The following MARCHF1 variants were observed in gnomAD, a reference collection of about 807,000 sequenced individuals.
MARCHF1 encodes membrane associated ring-CH-type finger 1.
A neutral mutation model predicts 54.2 loss-of-function variants in MARCHF1; 40 were observed. That is an observed-to-expected ratio of 0.74 (90% CI 0.57 to 0.96). MARCHF1 has a LOEUF of 0.96. Among genes scored for constraint, MARCHF1 ranks in the 40% least tolerant of loss-of-function variants. The probability of loss-of-function intolerance (pLI) is 0.00; values close to 1 mark genes in which losing one functional copy is unlikely to be tolerated. For synonymous variants in MARCHF1, 236 were observed against 236.3 expected (o/e 1.00, Z 0.01); for missense variants, 586 against 656.5 (o/e 0.89, Z 1.17).
chr4:164,149,281 T>G (rs11942093), intron 1 of MARCHF1, among the ~76,000 whole-genome samples: 1 of 152,158 alleles, frequency 6.6e-6, no homozygotes, highest in East Asian at 1.9e-4. Flanking sequence ...CATTCCTTTA[T>G]AGCAATGCAA....
intron 1 of MARCHF1, chr4:164,383,512 C>G (rs1157786880): frequency 1.3e-5 from 2 of 152,302 alleles, no homozygotes; most frequent in Non-Finnish European, 2.9e-5. Flanking sequence ...AGTACCACGC[C>G]GGTGTAAACA....
intron 1 of MARCHF1, among the ~76,000 whole-genome samples, chr4:164,303,200 T>C (rs1209876227): frequency 6.6e-6 from 1 of 152,136 alleles, no homozygotes; most frequent in Non-Finnish European, 1.5e-5. Context: ...CTCAGCTCGG[T>C]TTTGTTTTCC....
intron 2 of MARCHF1, among the ~76,000 whole-genome samples, chr4:164,076,568 G>T (rs145038836): frequency 2.0e-5 from 3 of 152,112 alleles, no homozygotes; most frequent in Non-Finnish European, 2.9e-5. Flanking sequence ...ATAAATAAAG[G>T]GCATTCAAAC....
intron 8 of MARCHF1, among the ~76,000 whole-genome samples, chr4:163,555,683 T>C (rs1739260983): frequency 1.3e-5 from 2 of 152,204 alleles, no homozygotes; most frequent in Non-Finnish European, 2.9e-5. Context: ...TTATGGATTG[T>C]GGCTTCATAA....
intron 1 of MARCHF1, among the ~76,000 whole-genome samples, chr4:164,278,066 C>T (rs538635205): frequency 1.3e-5 from 2 of 152,222 alleles, no homozygotes; most frequent in South Asian, 2.1e-4. Flanking sequence ...GTAATATCAG[C>T]ATGTTGGGAG....
intron 1 of MARCHF1, among the ~76,000 whole-genome samples, chr4:164,202,400 T>C (rs1211839178): frequency 6.6e-6 from 1 of 152,072 alleles, no homozygotes; most frequent in Non-Finnish European, 1.5e-5. Context: ...TGGCGTGAAA[T>C]ATGGTTGCAG....
chr4:163,740,340 T>A (rs968330793), intron 4 of MARCHF1, among the ~76,000 whole-genome samples: 1 of 152,214 alleles, frequency 6.6e-6, no homozygotes, highest in African/African-American at 2.4e-5. Flanking sequence ...ATAGTGAGAT[T>A]TTACCTTACT....
chr4:164,130,953 A>C (rs1307927114), intron 1 of MARCHF1, among the ~76,000 whole-genome samples: 1 of 152,186 alleles, frequency 6.6e-6, no homozygotes, highest in Non-Finnish European at 1.5e-5. Flanking sequence ...TACATTGATA[A>C]AAATGATTAT....
intron 3 of MARCHF1, among the ~76,000 whole-genome samples, chr4:163,968,831 T>C (rs1248155908): frequency 6.6e-6 from 1 of 152,022 alleles, no homozygotes; most frequent in Non-Finnish European, 1.5e-5. Flanking sequence ...TGCAACAAAA[T>C]AAAGAGTAGA....
At chr4:164,129,319 G>T (rs898396345) in intron 1 of MARCHF1, among the ~76,000 whole-genome samples, 2 of 151,990 alleles carry the variant, frequency 1.3e-5, no homozygotes, top group Non-Finnish European at 2.9e-5. Flanking sequence ...ACTTATTAAG[G>T]CAATTTTATA....
intron 1 of MARCHF1, among the ~76,000 whole-genome samples, chr4:164,140,642 A>T (rs1338890616): frequency 6.6e-6 from 1 of 152,114 alleles, no homozygotes; most frequent in Non-Finnish European, 1.5e-5. Context: ...CCTCGGCTAC[A>T]GCACCCAACT....
intron 3 of MARCHF1, among the ~76,000 whole-genome samples, chr4:163,934,734 T>C (rs1751758104): frequency 6.6e-6 from 1 of 151,978 alleles, no homozygotes; most frequent in South Asian, 2.1e-4. Flanking sequence ...TCCTGAAGTC[T>C]TGAACCATGC....
At chr4:163,923,306 T>C (rs573792374) in intron 3 of MARCHF1, among the ~76,000 whole-genome samples, 4 of 152,270 alleles carry the variant, frequency 2.6e-5, no homozygotes, top group African/African-American at 9.6e-5. Context: ...AATGAATCAT[T>C]AAAAATAATT....
At chr4:164,321,863 T>A (rs557351475) in intron 1 of MARCHF1, among the ~76,000 whole-genome samples, 11 of 152,232 alleles carry the variant, frequency 7.2e-5, no homozygotes, top group African/African-American at 2.6e-4. Flanking sequence ...TTAATTATAA[T>A]AATCATAGAA....
intron 1 of MARCHF1, among the ~76,000 whole-genome samples, chr4:164,178,895 A>G (rs1445776621): frequency 6.6e-6 from 1 of 152,190 alleles, no homozygotes; most frequent in Non-Finnish European, 1.5e-5. Context: ...TCTTTCTCCT[A>G]TGAGTTGACA....
At chr4:164,383,665 G>C (rs540857604) in intron 1 of MARCHF1, 465 of 152,742 alleles carry the variant, frequency 3.0e-3, no homozygotes, top group Non-Finnish European at 5.1e-3. Context: ...CCCGCCGCCC[G>C]CAGGTTGGGT....
chr4:164,382,030 A>G (rs567951895), intron 1 of MARCHF1, among the ~76,000 whole-genome samples: 184 of 152,336 alleles, frequency 1.2e-3, no homozygotes, highest in African/African-American at 4.1e-3. Flanking sequence ...AATCAGACAT[A>G]TAATTATGCA....
chr4:164,286,538 T>C (rs1734151351), intron 1 of MARCHF1, among the ~76,000 whole-genome samples: 1 of 151,656 alleles, frequency 6.6e-6, no homozygotes, highest in African/African-American at 2.4e-5. Context: ...AAACAGAAAA[T>C]TGACTCAGTT....
At chr4:163,616,523 T>C (rs979740974) in intron 5 of MARCHF1, among the ~76,000 whole-genome samples, 3 of 152,128 alleles carry the variant, frequency 2.0e-5, no homozygotes, top group Non-Finnish European at 2.9e-5. Context: ...TCACTATAAT[T>C]AGAGAACTGT....
Sources: allele counts gnomAD v4.1 joint callset (sites outside exome capture counted in the v4.1 genomes callset), GRCh38; gene constraint gnomAD v4.1.1; transcripts MANE v1.5; gene names NCBI Gene and HGNC (gene_info 2026-07-23, HGNC 2026-07-21).